Variants in ST8SIA2 observed in about 807,000 individuals in gnomAD.
The protein encoded by ST8SIA2 is ST8 alpha-N-acetyl-neuraminide alpha-2,8-sialyltransferase 2.
A neutral mutation model predicts 37.6 loss-of-function variants in ST8SIA2; 22 were observed. The observed-to-expected ratio is 0.58, with a 90% CI of 0.42 to 0.83. The LOEUF (loss-of-function observed/expected upper bound fraction) is 0.83. Among genes scored for constraint, ST8SIA2 ranks in the 40% least tolerant of loss-of-function variants. ST8SIA2 has a pLI of 0.00. For missense variants in ST8SIA2, 382 were observed against 484.7 expected, an observed-to-expected ratio of 0.79 and a Z score of 1.99; for synonymous variants, 205 against 201.2, an observed-to-expected ratio of 1.02 and a Z score of -0.16.
At chr15:92,407,976 C>T (rs1050369606) in intron 1 of ST8SIA2, among the ~76,000 whole-genome samples, 3 of 152,176 alleles carry the variant, frequency 2.0e-5, no homozygotes, top group African/African-American at 7.2e-5. Context: ...TATGCAATGA[C>T]ATCCCAGCCT....
At chr15:92,434,863 G>C (rs996282081) in intron 3 of ST8SIA2, among the ~76,000 whole-genome samples, 5 of 152,132 alleles carry the variant, frequency 3.3e-5, no homozygotes, top group East Asian at 1.9e-4. Flanking sequence ...AGCCATAGGG[G>C]CATCCGGAGA....
intron 5 of ST8SIA2, among the ~76,000 whole-genome samples, chr15:92,455,857 G>A (rs1272568330): frequency 6.6e-6 from 1 of 152,168 alleles, no homozygotes; most frequent in Non-Finnish European, 1.5e-5. Flanking sequence ...GGTAGGTATC[G>A]ATTCATATCC....
chr15:92,453,673 A>T (rs1393466066), intron 5 of ST8SIA2, among the ~76,000 whole-genome samples: 2 of 152,342 alleles, frequency 1.3e-5, no homozygotes, highest in East Asian at 3.9e-4. Context: ...TTTAGGTGCC[A>T]GGCCAGAGAG....
chr15:92,466,426 G>T lies in ST8SIA2; in HGVS notation c.*2041G>T, dbSNP rs1176139884. On this transcript the variant is annotated 3_prime_UTR_variant, in exon 6 of 6. Transcript: ENST00000268164. ...GAGGAGCAGGTAGAATTTCCAGCAG[G>T]GCCTTGGTGGATTAACCAAGGCCTT... is the stretch of plus-strand genomic sequence containing the variant. 6.6e-6 allele frequency: 1 copy of T among 151,986 alleles called. No individual in the cohort carries two copies. The highest frequency in any genetic ancestry group is 2.1e-4 in the South Asian group (1 of 4,810). 9.4% of individuals were successfully genotyped at this position (151,986 alleles called of 1,614,324 possible).
chr15:92,460,584 A>T (rs924993945), intron 5 of ST8SIA2, among the ~76,000 whole-genome samples: 78 of 152,188 alleles, frequency 5.1e-4, no homozygotes, highest in African/African-American at 1.9e-3. Flanking sequence ...TTGAGCGTAG[A>T]TGCTGCCGAG....
At chr15:92,447,842 T>G (rs1382482520) in intron 5 of ST8SIA2, among the ~76,000 whole-genome samples, 6 of 152,226 alleles carry the variant, frequency 3.9e-5, no homozygotes, top group Admixed American at 6.5e-5. Context: ...CTCAGGACCA[T>G]GTTTTCACTT....
At chr15:92,455,824 T>C (rs1057377983) in intron 5 of ST8SIA2, among the ~76,000 whole-genome samples, 3 of 152,238 alleles carry the variant, frequency 2.0e-5, no homozygotes, top group African/African-American at 7.2e-5. Context: ...TTTTTATAGT[T>C]ACTGCCAATT....
At chr15:92,441,282 G>C (rs1260428260) in intron 4 of ST8SIA2, among the ~76,000 whole-genome samples, 2 of 152,224 alleles carry the variant, frequency 1.3e-5, no homozygotes, top group East Asian at 1.9e-4. Context: ...TCCAGGGCAG[G>C]CTTCCGGCAG....
chr15:92,417,125 G>A (rs754642633), intron 1 of ST8SIA2, among the ~76,000 whole-genome samples: 1 of 152,110 alleles, frequency 6.6e-6, no homozygotes, highest in Non-Finnish European at 1.5e-5. Context: ...CCTACAGCAG[G>A]AACCCCAATT....
rs1189567459 is a variant in ST8SIA2 at position 92,466,917 on chromosome 15, G to A, written c.*2532G>A. ...CTGCAGTTCCTGGTGTGGGCCAGCT[G>A]GTGTTGGGTGGCCCCAGGGAGTCAC... On this transcript the variant is annotated 3_prime_UTR_variant, in exon 6 of 6. Coordinates refer to ENST00000268164, the MANE Select transcript of ST8SIA2 (RefSeq NM_006011.4). The A allele has an allele frequency of 6.6e-6, 1 of 152,266 alleles. No individual in the cohort carries two copies. The highest frequency in any genetic ancestry group is 1.5e-5 in the Non-Finnish European group (1 of 68,172). The allele number at this position is 152,266 out of a possible 1,614,324, so 9.4% of individuals were successfully genotyped here. A position where few individuals can be genotyped will look rare whatever the true frequency, so the allele number is the denominator to read the frequency against.
chr15:92,457,011 G>C (rs1264095749), intron 5 of ST8SIA2, among the ~76,000 whole-genome samples: 1 of 152,228 alleles, frequency 6.6e-6, no homozygotes, highest in Non-Finnish European at 1.5e-5. Context: ...GTCTCATTCT[G>C]AGATATCCTG....
At chr15:92,401,050 T>C (rs2049466404) in intron 1 of ST8SIA2, among the ~76,000 whole-genome samples, 1 of 152,070 alleles carries the variant, frequency 6.6e-6, no homozygotes, top group Admixed American at 6.5e-5. Context: ...GGGGCAGCTG[T>C]GTGGATCCTA....
intron 5 of ST8SIA2, among the ~76,000 whole-genome samples, chr15:92,448,132 A>C (rs191589331): frequency 1.3e-5 from 2 of 152,264 alleles, no homozygotes; most frequent in East Asian, 3.9e-4. Context: ...TAAGCCCTTT[A>C]AACAAACAGG....
intron 5 of ST8SIA2, among the ~76,000 whole-genome samples, chr15:92,462,141 G>A (rs2049961862): frequency 6.6e-6 from 1 of 152,190 alleles, no homozygotes; most frequent in Non-Finnish European, 1.5e-5. Context: ...GGAGAATCGT[G>A]TTCACTCCGA....
intron 1 of ST8SIA2, among the ~76,000 whole-genome samples, chr15:92,429,067 A>C (rs965879784): frequency 3.3e-5 from 5 of 152,170 alleles, no homozygotes; most frequent in African/African-American, 1.2e-4. Context: ...TCATTTAATG[A>C]CAAGGTTCCT....
At chr15:92,421,181 C>A (rs572572928) in intron 1 of ST8SIA2, 24 of 152,252 alleles carry the variant, frequency 1.6e-4, no homozygotes, top group African/African-American at 5.8e-4. Context: ...TCAGCAAGGT[C>A]CATGGTAGTT....
chr15:92,398,614 G>A (rs1215918506), intron 1 of ST8SIA2, among the ~76,000 whole-genome samples: 1 of 152,196 alleles, frequency 6.6e-6, no homozygotes, highest in Non-Finnish European at 1.5e-5. Flanking sequence ...TAGGCTAACT[G>A]CTTTGAAACA....
Position 92,466,570 on chromosome 15 carries a change from GGGCC to G in ST8SIA2, c.*2186_*2189del, listed in dbSNP as rs1221068047. The stretch of plus-strand genomic sequence containing the variant: ...ACCATCCCTTTGCAGGGGAGTCAAA[GGGCC>G]AGAACTCCTTGGGGGACCAGAACAT... On this transcript the variant is annotated 3_prime_UTR_variant, in exon 6 of 6. Transcript: ENST00000268164. 1.3e-5 allele frequency: 2 copies of G among 152,248 alleles called. No homozygotes were observed. Among genetic ancestry groups the G allele is most frequent in the Non-Finnish European group, 2.9e-5 (2 of 68,100 alleles). 9.4% of individuals were successfully genotyped at this position (152,248 alleles called of 1,614,324 possible). A position where few individuals can be genotyped will look rare whatever the true frequency, so the allele number is the denominator to read the frequency against.
chr15:92,461,785 G>A (rs1268975118), intron 5 of ST8SIA2, among the ~76,000 whole-genome samples: 1 of 152,204 alleles, frequency 6.6e-6, no homozygotes, highest in African/African-American at 2.4e-5. Flanking sequence ...ATGCCTGGGG[G>A]GCTACTAGGT....
Sources: allele counts gnomAD v4.1 joint callset (sites outside exome capture counted in the v4.1 genomes callset), GRCh38; gene constraint gnomAD v4.1.1; transcripts MANE v1.5; gene names NCBI Gene and HGNC (gene_info 2026-07-23, HGNC 2026-07-21).